The following GPC3 variants were observed in gnomAD, a reference collection of about 807,000 sequenced individuals.
GPC3 encodes the protein glypican 3.
In GPC3, 3 loss-of-function variants were observed where a neutral mutation model predicts 34.4. The observed-to-expected ratio is 0.09, with a 90% confidence interval of 0.04 to 0.23. The LOEUF (loss-of-function observed/expected upper bound fraction) is 0.23, where lower values mean the gene tolerates loss of function less well. GPC3 is among the 10% of genes least tolerant of loss of function. The pLI, the probability that GPC3 is intolerant of heterozygous loss-of-function variation, is 1.00. For missense variants in GPC3, 351 were observed against 445.6 expected, an observed-to-expected ratio of 0.79 and a Z score of 1.91; for synonymous variants, 177 against 174.0, an observed-to-expected ratio of 1.02 and a Z score of -0.13.
chrX:133,926,849 G>C (rs2076277222), intron 2 of GPC3, among the ~76,000 whole-genome samples: 1 of 101,273 alleles, frequency 9.9e-6, no homozygotes, highest in Non-Finnish European at 2.0e-5. Context: ...GCAGGATTCA[G>C]GTCTTTTGTT....
chrX:133,624,113 G>C (rs2070267372), intron 6 of GPC3, among the ~76,000 whole-genome samples: 1 of 111,641 alleles, frequency 9.0e-6, no homozygotes, highest in African/African-American at 3.3e-5. Context: ...AAACCAATGA[G>C]AACAAAGACA....
intron 2 of GPC3, among the ~76,000 whole-genome samples, chrX:133,937,033 A>ATT (rs368033279): frequency 2.8e-5 from 3 of 105,409 alleles, no homozygotes; most frequent in African/African-American, 1.0e-4. Context: ...GACAGGTTTG[A>ATT]TTTTTTTTTT....
intron 6 of GPC3, among the ~76,000 whole-genome samples, chrX:133,603,346 C>T (rs922575709): frequency 4.6e-5 from 5 of 109,443 alleles, no homozygotes; most frequent in Non-Finnish European, 9.5e-5. Flanking sequence ...TACAGACACA[C>T]GCCTAACTAG....
intron 5 of GPC3, among the ~76,000 whole-genome samples, chrX:133,665,139 C>G (rs1400768251): frequency 1.8e-5 from 2 of 111,591 alleles, no homozygotes; most frequent in Admixed American, 9.6e-5. Context: ...CACACACTGG[C>G]ATTTATATCT....
At chrX:133,917,555 T>G (rs908074408) in intron 2 of GPC3, among the ~76,000 whole-genome samples, 1 of 112,004 alleles carries the variant, frequency 8.9e-6, no homozygotes, top group Non-Finnish European at 1.9e-5. Context: ...GTTAATTATG[T>G]TCTTGTTTGC....
intron 2 of GPC3, among the ~76,000 whole-genome samples, chrX:133,799,767 C>T (rs1442587485): frequency 9.0e-6 from 1 of 111,635 alleles, no homozygotes; most frequent in Non-Finnish European, 1.9e-5. Context: ...GATTGTGACT[C>T]TCATTCTTCT....
chrX:133,733,635 A>T (rs2071482705), intron 3 of GPC3, among the ~76,000 whole-genome samples: 2 of 111,092 alleles, frequency 1.8e-5, no homozygotes, highest in Non-Finnish European at 3.8e-5. Context: ...GGTTTGATAA[A>T]CCTTTAGCTA....
At chrX:133,651,619 T>C (rs2070604632) in intron 6 of GPC3, among the ~76,000 whole-genome samples, 1 of 111,567 alleles carries the variant, frequency 9.0e-6, no homozygotes, top group South Asian at 3.8e-4. Context: ...AATTGTGTTA[T>C]CTATGTATTC....
chrX:133,913,053 CAAAAAAAAAAAA>C (rs1288887225), intron 2 of GPC3, among the ~76,000 whole-genome samples: 2 of 34,198 alleles, frequency 5.8e-5, no homozygotes, highest in East Asian at 1.8e-3. Context: ...GACTCCGTCT[CAAAAAAAAAAAA>C]AAAAAAAATA....
chrX:133,571,942 A>G (rs2069636770), intron 7 of GPC3, among the ~76,000 whole-genome samples: 2 of 111,851 alleles, frequency 1.8e-5, no homozygotes, highest in African/African-American at 6.5e-5. Flanking sequence ...TATTGACTGA[A>G]TCTTGTTTTA....
intron 5 of GPC3, among the ~76,000 whole-genome samples, chrX:133,670,632 CTCAG>C (rs2070817459): frequency 8.9e-6 from 1 of 111,999 alleles, no homozygotes; most frequent in African/African-American, 3.3e-5. Flanking sequence ...TAATCCCTAA[CTCAG>C]TGATTTATCT....
At chrX:133,839,305 G>C (rs376839663) in intron 2 of GPC3, among the ~76,000 whole-genome samples, 1 of 111,722 alleles carries the variant, frequency 9.0e-6, no homozygotes, top group Non-Finnish European at 1.9e-5. Context: ...AGCATGCCTT[G>C]CAGGAAGACC....
At chrX:133,948,732 G>A (rs901100559) in intron 2 of GPC3, among the ~76,000 whole-genome samples, 8 of 111,921 alleles carry the variant, frequency 7.1e-5, no homozygotes, top group Non-Finnish European at 5.6e-5. Context: ...AAACAGTACA[G>A]CCTCACATCC....
intron 6 of GPC3, 45 bp downstream of exon 6, chrX:133,661,685 G>T: frequency 1.6e-6 from 1 of 643,645 alleles, no homozygotes; most frequent in Non-Finnish European, 2.2e-6. Context: ...CTCTCTCTCG[G>T]TTATTTCTAC....
intron 2 of GPC3, among the ~76,000 whole-genome samples, chrX:133,848,608 A>AT (rs975462971): frequency 3.1e-4 from 34 of 110,996 alleles, no homozygotes; most frequent in Non-Finnish European, 5.7e-4. Context: ...ACACTGATTA[A>AT]TTTTTTTTTC....
At chrX:133,787,339 T>C (rs1343440650) in intron 2 of GPC3, among the ~76,000 whole-genome samples, 1 of 112,658 alleles carries the variant, frequency 8.9e-6, no homozygotes, top group Non-Finnish European at 1.9e-5. Flanking sequence ...GAAACAGTCC[T>C]GGATACTAGT....
At chrX:133,713,430 A>G (rs2071288387) in intron 3 of GPC3, among the ~76,000 whole-genome samples, 1 of 112,139 alleles carries the variant, frequency 8.9e-6, no homozygotes, top group Non-Finnish European at 1.9e-5. Context: ...ATATACTTGA[A>G]GAGGCAGTAA....
intron 2 of GPC3, among the ~76,000 whole-genome samples, chrX:133,768,935 G>C (rs760804628): frequency 9.3e-6 from 1 of 108,081 alleles, no homozygotes; most frequent in Admixed American, 9.9e-5. Context: ...GCAAGACACT[G>C]TCTCAAAAAA....
At chrX:133,698,182 C>T (rs1025352173) in intron 4 of GPC3, among the ~76,000 whole-genome samples, 2 of 111,854 alleles carry the variant, frequency 1.8e-5, no homozygotes, top group African/African-American at 6.5e-5. Context: ...AGTAGACATT[C>T]GGAAGGGCAA....
Sources: allele counts gnomAD v4.1 joint callset (sites outside exome capture counted in the v4.1 genomes callset), GRCh38; gene constraint gnomAD v4.1.1; transcripts MANE v1.5; gene names NCBI Gene and HGNC (gene_info 2026-07-23, HGNC 2026-07-21).